The following EPHA3 variants were observed in gnomAD, a reference collection of about 807,000 sequenced individuals.
EPHA3 encodes ephrin type-A receptor 3.
In EPHA3, 42 loss-of-function variants were observed where a neutral mutation model predicts 107.1. The ratio of observed to expected loss-of-function variants is 0.39; its 90% CI spans 0.31 to 0.51. EPHA3 has a LOEUF of 0.51. Ranked by LOEUF, EPHA3 falls within the 20% of genes least tolerant of loss-of-function variation. The pLI is 0.78. For synonymous variants in EPHA3, 461 were observed against 424.8 expected (o/e 1.09, Z -1.05); for missense variants, 1,183 against 1,211.2 (o/e 0.98, Z 0.35).
At chr3:89,110,444 C>A (rs1268414160) in intron 1 of EPHA3, among the ~76,000 whole-genome samples, 1 of 151,822 alleles carries the variant, frequency 6.6e-6, no homozygotes, top group Non-Finnish European at 1.5e-5. Context: ...AATGTTTAAT[C>A]TGAATTTTCC....
chr3:89,397,732 C>G (rs575129354), intron 6 of EPHA3, among the ~76,000 whole-genome samples: 7 of 152,236 alleles, frequency 4.6e-5, no homozygotes, highest in African/African-American at 1.7e-4. Flanking sequence ...GATAGGCATG[C>G]GCCACCATGC....
chr3:89,331,782 C>T (rs1707295629), intron 3 of EPHA3, among the ~76,000 whole-genome samples: 2 of 152,050 alleles, frequency 1.3e-5, no homozygotes, highest in Non-Finnish European at 2.9e-5. Context: ...AGTTATGATT[C>T]CAAATCAGCC....
intron 3 of EPHA3, among the ~76,000 whole-genome samples, chr3:89,271,311 G>T (rs974816571): frequency 1.3e-5 from 2 of 152,010 alleles, no homozygotes; most frequent in Non-Finnish European, 2.9e-5. Context: ...GTAAAGTGGG[G>T]TTTGTTAAAA....
intron 2 of EPHA3, among the ~76,000 whole-genome samples, chr3:89,177,527 G>A (rs1337998202): frequency 6.6e-6 from 1 of 152,162 alleles, no homozygotes; most frequent in Non-Finnish European, 1.5e-5. Flanking sequence ...GCACACGGCA[G>A]ATGTGAAGGG....
chr3:89,411,830 C>T (rs749048099), intron 9 of EPHA3, among the ~76,000 whole-genome samples: 18 of 151,966 alleles, frequency 1.2e-4, no homozygotes, highest in African/African-American at 2.9e-4. Flanking sequence ...CTCAAAGAAA[C>T]GATTGGTTCA....
chr3:89,112,138 A>G (rs1707123797), intron 1 of EPHA3, among the ~76,000 whole-genome samples: 1 of 152,114 alleles, frequency 6.6e-6, no homozygotes, highest in South Asian at 2.1e-4. Context: ...GTTGTATTTT[A>G]TATAAAGTTG....
At chr3:89,445,591 T>A (rs1709863692) in intron 13 of EPHA3, among the ~76,000 whole-genome samples, 1 of 152,192 alleles carries the variant, frequency 6.6e-6, no homozygotes, top group Non-Finnish European at 1.5e-5. Flanking sequence ...TGCCACTTAA[T>A]TTTTGAGTGT....
rs370171364 is a variant in EPHA3 at position 89,256,572 on chromosome 3, G to GAAATAAAT, written c.814+46088_814+46095dup. Among the ~76,000 whole-genome samples, 363 of 148,666 alleles carry GAAATAAAT rather than the reference G, an allele frequency of 2.4e-3. 1 individual carries two copies. Among genetic ancestry groups the GAAATAAAT allele is most frequent in the East Asian group, 4.6e-3 (23 of 5,030 alleles). The stretch of plus-strand genomic sequence containing the variant: ...AGTGAGATTCTGTCTCAAAAATAAG[G>GAAATAAAT]AAATAAATAAATAAATAAATAAATA... On this transcript the variant is annotated intron_variant, in intron 3 of 16. Coordinates refer to ENST00000336596, the MANE Select transcript of EPHA3 (RefSeq NM_005233.6).
At chr3:89,381,827 G>T (rs572736193) in intron 5 of EPHA3, among the ~76,000 whole-genome samples, 2 of 152,074 alleles carry the variant, frequency 1.3e-5, no homozygotes, top group East Asian at 1.9e-4. Flanking sequence ...GCTAGAATGC[G>T]CAATCTATGA....
chr3:89,131,148 C>G (rs577985878), intron 2 of EPHA3, among the ~76,000 whole-genome samples: 1 of 148,980 alleles, frequency 6.7e-6, no homozygotes, highest in East Asian at 2.0e-4. Context: ...AATAGCAATT[C>G]ATTTTTCAAT....
At chr3:89,292,384 T>C (rs1706233185) in intron 3 of EPHA3, among the ~76,000 whole-genome samples, 1 of 152,168 alleles carries the variant, frequency 6.6e-6, no homozygotes, top group Non-Finnish European at 1.5e-5. Flanking sequence ...GCGGAGGTTG[T>C]ATGCAAATAC....
At chr3:89,405,721 T>C (rs1275655389) in intron 7 of EPHA3, among the ~76,000 whole-genome samples, 1 of 152,206 alleles carries the variant, frequency 6.6e-6, no homozygotes, top group African/African-American at 2.4e-5. Flanking sequence ...AACTAAAATC[T>C]GCTCTTCTTT....
At chr3:89,283,317 T>C (rs1705993665) in intron 3 of EPHA3, among the ~76,000 whole-genome samples, 1 of 152,216 alleles carries the variant, frequency 6.6e-6, no homozygotes, top group East Asian at 1.9e-4. Context: ...AGGAAAAACA[T>C]AATGTTTCAT....
In EPHA3 at chr3:89,356,404, G is replaced by A. The variant is rs551417561; in HGVS notation, c.1306+14314G>A. 6.0e-5 allele frequency among the ~76,000 whole-genome samples: 9 copies of A among 150,938 alleles called. 1 individual carries two copies. The highest frequency in any genetic ancestry group is 8.9e-5 in the Non-Finnish European group (6 of 67,478). On this transcript the variant is annotated intron_variant, in intron 5 of 16. Transcript: ENST00000336596. ...TCTAGTTCTAGATCCCTGAAGAATC[G>A]CCACACTGACTTCCACAATGTTTGG...
intron 10 of EPHA3, among the ~76,000 whole-genome samples, chr3:89,417,416 T>A (rs1341335404): frequency 2.0e-5 from 3 of 151,514 alleles, no homozygotes; most frequent in Non-Finnish European, 4.4e-5. Flanking sequence ...TATTATACCA[T>A]GTTGATGTAT....
chr3:89,468,522 A>G (rs2107571688), intron 15 of EPHA3, among the ~76,000 whole-genome samples: 1 of 152,272 alleles, frequency 6.6e-6, no homozygotes, highest in East Asian at 1.9e-4. Context: ...ATACCCACAA[A>G]CCCATAAATA....
Position 89,481,191 on chromosome 3 carries a change from A to G in EPHA3, c.*1689A>G. The G allele has an allele frequency of 4.3e-6, 1 of 232,390 alleles. No individual in the cohort carries two copies. The highest frequency in any genetic ancestry group is 8.5e-6 in the Non-Finnish European group (1 of 117,516). The allele number at this position is 232,390 out of a possible 1,614,324, so 14.4% of individuals were successfully genotyped here. On this transcript the variant is annotated 3_prime_UTR_variant, in exon 17 of 17. Transcript: ENST00000336596. ...ATGGAACGCTAATGAAACACAGCTT[A>G]CAATCGCAAATCAAAACTCACAAGT...
chr3:89,331,732 T>C (rs1707294756), intron 3 of EPHA3, among the ~76,000 whole-genome samples: 1 of 152,152 alleles, frequency 6.6e-6, no homozygotes, highest in Admixed American at 6.6e-5. Flanking sequence ...AATTAAATTA[T>C]AAAGGTGGAT....
At position 89,210,297 on chromosome 3, in the gene EPHA3, A is replaced by G. The variant is rs1706242207; in HGVS notation, c.591A>G (p.Val197=). The change falls in exon 3 of 17, where the codon GTA becomes GTG. Residue 197 remains valine, a synonymous_variant. Coordinates refer to ENST00000336596, the MANE Select transcript of EPHA3 (RefSeq NM_005233.6). ...GTGTTGCCTTGGTGTCTGTGAGAGT[A>G]TACTTCAAAAAGTGCCCATTTACAG... ...GACVALVSVR[V]YFKKCPFTVK... The G allele has an allele frequency of 3.7e-6, 6 of 1,613,832 alleles. No individual in the cohort carries two copies. The highest frequency in any genetic ancestry group is 5.1e-6 in the Non-Finnish European group (6 of 1,179,872).
Sources: allele counts gnomAD v4.1 joint callset (sites outside exome capture counted in the v4.1 genomes callset), GRCh38; gene constraint gnomAD v4.1.1; transcripts MANE v1.5; gene names NCBI Gene and HGNC (gene_info 2026-07-23, HGNC 2026-07-21).